Variants in ADGRL2 observed in about 807,000 individuals in gnomAD.
ADGRL2 encodes the protein calcium-independent alpha-latrotoxin receptor 2.
In ADGRL2, 44 loss-of-function variants were observed where a neutral mutation model predicts 157.4. The observed-to-expected ratio is 0.28, with a 90% CI of 0.22 to 0.36. The LOEUF (loss-of-function observed/expected upper bound fraction) is 0.36, where lower values mean the gene tolerates loss of function less well. Ranked by LOEUF, ADGRL2 falls within the 10% of genes least tolerant of loss-of-function variation. The pLI is 1.00. For missense variants in ADGRL2, 1,510 were observed against 1,768.9 expected, an observed-to-expected ratio of 0.85 and a Z score of 2.63; for synonymous variants, 585 against 624.7, an observed-to-expected ratio of 0.94 and a Z score of 0.95.
At chr1:81,719,611 G>A (rs2084229202) in intron 1 of ADGRL2, among the ~76,000 whole-genome samples, 1 of 151,792 alleles carries the variant, frequency 6.6e-6, no homozygotes, top group Non-Finnish European at 1.5e-5. Flanking sequence ...CACCTCCCCA[G>A]TCACTTCATC....
intron 2 of ADGRL2, among the ~76,000 whole-genome samples, chr1:81,541,873 G>T (rs574203030): frequency 3.9e-5 from 6 of 151,948 alleles, no homozygotes; most frequent in African/African-American, 1.2e-4. Flanking sequence ...CAGGAGAATC[G>T]CTTGAACCCG....
chr1:81,869,024 A>G (rs1176683064), intron 2 of ADGRL2, among the ~76,000 whole-genome samples: 2 of 152,146 alleles, frequency 1.3e-5, no homozygotes, highest in Admixed American at 6.6e-5. Flanking sequence ...ATCTTGCTAC[A>G]GTAGAGATGG....
chr1:81,825,319 G>A (rs895428881), intron 1 of ADGRL2, among the ~76,000 whole-genome samples: 3 of 152,070 alleles, frequency 2.0e-5, no homozygotes, highest in African/African-American at 4.8e-5. Context: ...CTATGGTCGT[G>A]CCATTGCACT....
rs58850012 is a variant in ADGRL2 at position 81,378,566 on chromosome 1, TAAAA to T, written c.-301-66453_-301-66450del. On this transcript the variant is annotated intron_variant, in intron 1 of 24. Coordinates refer to the ADGRL2 transcript ENST00000370721. ...GACACCAGAATGAGACCTTGTATCTTAAAAAAAAAAAAAAAAAAAAGCCCCGGTT... is the reference window on the plus strand; with the variant it reads ...GACACCAGAATGAGACCTTGTATCTTAAAAAAAAAAAAAAAAGCCCCGGTT... Among the ~76,000 whole-genome samples, 75 of 101,330 alleles carry T rather than the reference TAAAA, an allele frequency of 7.4e-4. No homozygotes were observed. In the South Asian group the frequency reaches 0.027, roughly 36 times the overall value. The allele number at this position is 101,330 out of a possible 152,430, so 66.5% of individuals were successfully genotyped here. A position where few individuals can be genotyped will look rare whatever the true frequency, so the allele number is the denominator to read the frequency against.
intron 2 of ADGRL2, among the ~76,000 whole-genome samples, chr1:81,576,041 G>A (rs541889033): frequency 1.3e-5 from 2 of 152,158 alleles, no homozygotes; most frequent in African/African-American, 4.8e-5. Flanking sequence ...TTTAAAAATT[G>A]ATGGAACTTA....
At chr1:81,787,219 A>G (rs183385268) in intron 2 of ADGRL2, among the ~76,000 whole-genome samples, 1 of 152,214 alleles carries the variant, frequency 6.6e-6, no homozygotes, top group Non-Finnish European at 1.5e-5. Flanking sequence ...ATCAACAGTG[A>G]AAACAGACTA....
chr1:81,843,035 G>T (rs1230119751), intron 2 of ADGRL2, among the ~76,000 whole-genome samples: 1 of 152,126 alleles, frequency 6.6e-6, no homozygotes, highest in Non-Finnish European at 1.5e-5. Flanking sequence ...AATAGGAATT[G>T]TGTATTTGTG....
upstream of ADGRL2, among the ~76,000 whole-genome samples, chr1:81,798,060 T>A (rs1441262563): frequency 6.6e-6 from 1 of 152,190 alleles, no homozygotes; most frequent in Non-Finnish European, 1.5e-5. Flanking sequence ...GATTGAGTAA[T>A]TAAATTGATT....
intron 2 of ADGRL2, among the ~76,000 whole-genome samples, chr1:81,485,072 A>T (rs1204940696): frequency 1.3e-5 from 2 of 152,114 alleles, no homozygotes; most frequent in African/African-American, 2.4e-5. Flanking sequence ...AAACTGCAAT[A>T]TTCAAATGTC....
chr1:81,674,980 CT>C (rs2082956312), intron 3 of ADGRL2, among the ~76,000 whole-genome samples: 2 of 152,128 alleles, frequency 1.3e-5, no homozygotes, highest in African/African-American at 4.8e-5. Flanking sequence ...ATCATTTTCT[CT>C]TTTTCATCCT....
intron 3 of ADGRL2, among the ~76,000 whole-genome samples, chr1:81,616,083 A>G (rs991628535): frequency 2.4e-5 from 3 of 125,524 alleles, no homozygotes; most frequent in African/African-American, 9.6e-5. Flanking sequence ...AGTCAGCCTC[A>G]TTCGCTGGCA....
intron 2 of ADGRL2, among the ~76,000 whole-genome samples, chr1:81,774,211 C>T (rs890214104): frequency 1.3e-5 from 2 of 152,194 alleles, no homozygotes; most frequent in African/African-American, 4.8e-5. Context: ...AAGGGCTGGC[C>T]AATCTAACCC....
chr1:81,593,993 T>C (rs2081182691), intron 3 of ADGRL2, among the ~76,000 whole-genome samples: 1 of 152,208 alleles, frequency 6.6e-6, no homozygotes, highest in Non-Finnish European at 1.5e-5. Context: ...GATAGACAAC[T>C]ATGTATGTAT....
chr1:81,722,288 G>A (rs1314705577), intron 1 of ADGRL2: 3 of 500,832 alleles, frequency 6.0e-6, no homozygotes, highest in African/African-American at 2.0e-5. Flanking sequence ...GCGAGACTCC[G>A]TCTAAAAAAA....
chr1:81,742,057 G>A (rs1038736362), intron 1 of ADGRL2, among the ~76,000 whole-genome samples: 2 of 151,868 alleles, frequency 1.3e-5, no homozygotes, highest in Non-Finnish European at 1.5e-5. Flanking sequence ...TTTTTAAAAG[G>A]CAGTAGTATG....
chr1:81,375,747 T>C (rs532153915), intron 1 of ADGRL2, among the ~76,000 whole-genome samples: 1 of 152,222 alleles, frequency 6.6e-6, no homozygotes, highest in African/African-American at 2.4e-5. Context: ...CCTTAGTAAA[T>C]GGAATTTCTG....
chr1:81,522,506 A>T (rs1162527937), intron 2 of ADGRL2, among the ~76,000 whole-genome samples: 1 of 152,196 alleles, frequency 6.6e-6, no homozygotes, highest in Non-Finnish European at 1.5e-5. Flanking sequence ...CAGTTGGCTT[A>T]TGTGGCATCT....
chr1:81,573,503 C>T (rs2080736646), intron 2 of ADGRL2, among the ~76,000 whole-genome samples: 1 of 152,214 alleles, frequency 6.6e-6, no homozygotes, highest in South Asian at 2.1e-4. Context: ...TAATAGCCAT[C>T]CCAGCAATAC....
chr1:81,841,896 A>C, intron 2 of ADGRL2, among the ~76,000 whole-genome samples: 1 of 152,210 alleles, frequency 6.6e-6, no homozygotes, highest in Non-Finnish European at 1.5e-5. Flanking sequence ...AGAGTGTGAT[A>C]AGTGCCATAA....
Sources: gnomAD v4.1 joint callset for allele counts (sites outside exome capture counted in the v4.1 genomes callset) on GRCh38, gnomAD v4.1.1 for gene constraint, MANE v1.5 for transcripts, NCBI Gene and HGNC (gene_info 2026-07-23, HGNC 2026-07-21) for gene names.